The following BCAS3 variants were observed in gnomAD, a reference collection of about 807,000 sequenced individuals.
BCAS3 encodes the protein BCAS4/BCAS3 fusion.
In BCAS3, 53 loss-of-function variants were observed where a neutral mutation model predicts 116.1. The ratio of observed to expected loss-of-function variants is 0.46; its 90% CI spans 0.37 to 0.57. The LOEUF (loss-of-function observed/expected upper bound fraction) is 0.57, where lower values mean the gene tolerates loss of function less well. Ranked by LOEUF, BCAS3 falls within the 20% of genes least tolerant of loss-of-function variation. The probability of loss-of-function intolerance (pLI) is 0.00; values close to 1 mark genes in which losing one functional copy is unlikely to be tolerated. For missense variants in BCAS3, 917 were observed against 1,165.4 expected, an observed-to-expected ratio of 0.79 and a Z score of 3.10; for synonymous variants, 391 against 408.2, an observed-to-expected ratio of 0.96 and a Z score of 0.51.
At position 61,042,981 on chromosome 17, in the gene BCAS3, G is replaced by A. The variant is rs377718390; in HGVS notation, c.2029+2089G>A. On this transcript the variant is annotated intron_variant, in intron 19 of 23. Coordinates refer to ENST00000407086, the MANE Select transcript of BCAS3 (RefSeq NM_017679.5). Reference sequence around the variant, plus strand: ...ATTCAGAGGAAGGGAGTGGAGGCTAGGTGATCCTAGAGCAAGATGAGACCT... The same window carrying A: ...ATTCAGAGGAAGGGAGTGGAGGCTAAGTGATCCTAGAGCAAGATGAGACCT... Among the ~76,000 whole-genome samples, 16 of 151,560 alleles carry A rather than the reference G, an allele frequency of 1.1e-4. 1 individual carries two copies. The South Asian group carries it at 2.5e-3, about 24-fold the overall frequency.
chr17:61,109,315 G>GTGTGTGTA (rs1383803332), intron 22 of BCAS3, among the ~76,000 whole-genome samples: 1 of 151,200 alleles, frequency 6.6e-6, no homozygotes, highest in Non-Finnish European at 1.5e-5. Flanking sequence ...GTGTGTGTGT[G>GTGTGTGTA]TATACACGCC....
At position 61,302,639 on chromosome 17, in the gene BCAS3, AAGATTT is replaced by A. The variant is rs2053542299; in HGVS notation, c.2426-65685_2426-65680del. 6.6e-6 allele frequency among the ~76,000 whole-genome samples: 1 copy of A among 152,178 alleles called. No individual in the cohort carries two copies. The highest frequency in any genetic ancestry group is 2.4e-5 in the African/African-American group (1 of 41,446). On this transcript the variant is annotated intron_variant, in intron 22 of 23. Transcript: ENST00000407086. This position sits in a 1 kb window ranked among gnomAD's most constrained non-coding sequence, Gnocchi z 4.4. ...CTCCCATTTTCTTGCTAAGGAAACT[AAGATTT>A]AGGTTACATTGATGAGTGACAGAAT...
chr17:61,368,060 C>T lies in BCAS3; in HGVS notation c.2426-267C>T, dbSNP rs1192164254. The T allele has an allele frequency of 6.0e-6, 2 of 330,738 alleles. No individual in the cohort carries two copies. The highest frequency in any genetic ancestry group is 4.2e-5 in the African/African-American group (2 of 47,588). 20.5% of individuals were successfully genotyped at this position (330,738 alleles called of 1,614,324 possible). ...CCCGTCCCACTTCTTAAGGTGGTCC[C>T]TGAAGACCAGGGGAACCCTGTAGCT... is the stretch of plus-strand genomic sequence containing the variant. On this transcript the variant is annotated intron_variant, in intron 22 of 23. Transcript: ENST00000407086. The surrounding 1 kb of genome is among the most constrained non-coding windows in gnomAD (Gnocchi z 6.0).
Position 60,818,541 on chromosome 17 carries a change from C to T in BCAS3, c.476+10465C>T, listed in dbSNP as rs570928834. ...ATCCCAGAGCCCTTATATATGATACCTGATGCTTTCAATTTTGACTGATTT... is the reference window on the plus strand; with the variant it reads ...ATCCCAGAGCCCTTATATATGATACTTGATGCTTTCAATTTTGACTGATTT... On this transcript the variant is annotated intron_variant, in intron 7 of 23. Transcript: ENST00000407086. Among the ~76,000 whole-genome samples the T allele has an allele frequency of 3.9e-5, 6 of 152,262 alleles. No individual in the cohort carries two copies. The South Asian group carries it at 1.2e-3, about 32-fold the overall frequency.
chr17:61,179,767 G>A lies in BCAS3; in HGVS notation c.2425+95203G>A, dbSNP rs1476276619. On this transcript the variant is annotated intron_variant, in intron 22 of 23. Transcript: ENST00000407086. ...GAAAGACCGAATCTGTCTGCTGTGT[G>A]TGGTCATTAACACAAGGATAACCTT... 3.3e-5 allele frequency among the ~76,000 whole-genome samples: 5 copies of A among 152,076 alleles called. No homozygotes were observed. The East Asian group carries it at 9.6e-4, about 29-fold the overall frequency.
At chr17:60,836,088 A>G (rs556559680) in intron 7 of BCAS3, among the ~76,000 whole-genome samples, 8 of 152,236 alleles carry the variant, frequency 5.3e-5, no homozygotes, top group African/African-American at 1.9e-4. Flanking sequence ...GTTCCCACAT[A>G]TCTCCTGCCC....
intron 5 of BCAS3, among the ~76,000 whole-genome samples, chr17:60,745,024 C>CTT (rs1048239576): frequency 6.6e-6 from 1 of 150,850 alleles, no homozygotes. Context: ...TTGTTTTATT[C>CTT]TTTTTTTTTG....
rs1600936929 is a variant in BCAS3 at position 61,068,348 on chromosome 17, G to A, written c.2030-6572G>A. On this transcript the variant is annotated intron_variant, in intron 19 of 23. Transcript: ENST00000407086. This position sits in a 1 kb window ranked among gnomAD's most constrained non-coding sequence, Gnocchi z 4.3. ...TCTCTAGGGTGTTCAGGGTATAAAA[G>A]TATGAGGTAAGGGATTTGGGGACAT... 6.6e-6 allele frequency among the ~76,000 whole-genome samples: 1 copy of A among 152,130 alleles called. No homozygotes were observed. Among genetic ancestry groups the A allele is most frequent in the East Asian group, 1.9e-4 (1 of 5,190 alleles).
intron 14 of BCAS3, among the ~76,000 whole-genome samples, chr17:60,968,591 C>G (rs182233148): frequency 6.3e-4 from 95 of 151,906 alleles, no homozygotes; most frequent in Non-Finnish European, 1.1e-3. Flanking sequence ...ATAGGTGGTA[C>G]CTAAAGCCCA....
At chr17:60,928,596 T>C (rs930225595) in intron 13 of BCAS3, among the ~76,000 whole-genome samples, 1 of 152,232 alleles carries the variant, frequency 6.6e-6, no homozygotes, top group Non-Finnish European at 1.5e-5. Flanking sequence ...TTACTTACAA[T>C]TCTTCTTAAT....
At chr17:60,878,293 A>C (rs2055807067) in intron 9 of BCAS3, among the ~76,000 whole-genome samples, 1 of 152,140 alleles carries the variant, frequency 6.6e-6, no homozygotes, top group Non-Finnish European at 1.5e-5. Context: ...TACAGGCATG[A>C]GCCTCCATGC....
At chr17:60,890,470 A>G (rs2057070053) in intron 10 of BCAS3, among the ~76,000 whole-genome samples, 1 of 152,160 alleles carries the variant, frequency 6.6e-6, no homozygotes, top group African/African-American at 2.4e-5. Flanking sequence ...GAAAAAAAAA[A>G]AGAATAATTT....
intron 22 of BCAS3, among the ~76,000 whole-genome samples, chr17:61,267,553 C>T (rs1343948560): frequency 1.3e-5 from 2 of 150,680 alleles, no homozygotes; most frequent in Non-Finnish European, 3.0e-5. Context: ...GCCTGGCCAA[C>T]TTGGTGAAAC....
At position 61,070,231 on chromosome 17, in the gene BCAS3, G is replaced by C. The variant is rs557343751; in HGVS notation, c.2030-4689G>C. The C allele has an allele frequency of 3.9e-6, 6 of 1,546,396 alleles. No homozygotes were observed. The African/African-American group carries it at 4.1e-5, about 10-fold the overall frequency. On this transcript the variant is annotated intron_variant, in intron 19 of 23. Coordinates refer to ENST00000407086, the MANE Select transcript of BCAS3 (RefSeq NM_017679.5). ...TGTGAAGAAGCTCTATGACATTGAT[G>C]TGGCCAAGGTCAACACCCTGATTTG...
Position 61,063,125 on chromosome 17 carries a change from T to C in BCAS3, c.2030-11795T>C, listed in dbSNP as rs1234034901. Among the ~76,000 whole-genome samples, 2 of 152,224 alleles carry C rather than the reference T, an allele frequency of 1.3e-5. No homozygotes were observed. Among genetic ancestry groups the C allele is most frequent in the Non-Finnish European group, 2.9e-5 (2 of 68,036 alleles). On this transcript the variant is annotated intron_variant, in intron 19 of 23. Coordinates refer to ENST00000407086, the MANE Select transcript of BCAS3 (RefSeq NM_017679.5). The surrounding 1 kb of genome is among the most constrained non-coding windows in gnomAD (Gnocchi z 5.3). The stretch of plus-strand genomic sequence containing the variant: ...TGCCTCAAGCATCCTAAAAAACTGT[T>C]GCCGTGACCTTTGCTCTTGCCCACT...
intron 22 of BCAS3, among the ~76,000 whole-genome samples, chr17:61,268,823 G>T (rs1356553299): frequency 2.0e-5 from 3 of 152,150 alleles, no homozygotes; most frequent in Admixed American, 6.5e-5. Flanking sequence ...CTCCCAAAGT[G>T]CTGGGATTAC....
rs538559286 is a variant in BCAS3 at position 61,229,423 on chromosome 17, C to G, written c.2426-138904C>G. ...TAGCCAAGATCATTGATGAAGGTGGCTATGCTAAACAACAGATATCGATGT... is the reference window on the plus strand; with the variant it reads ...TAGCCAAGATCATTGATGAAGGTGGGTATGCTAAACAACAGATATCGATGT... On this transcript the variant is annotated intron_variant, in intron 22 of 23. Coordinates refer to ENST00000407086, the MANE Select transcript of BCAS3 (RefSeq NM_017679.5). This position sits in a 1 kb window ranked among gnomAD's most constrained non-coding sequence, Gnocchi z 4.4. 1.3e-5 allele frequency among the ~76,000 whole-genome samples: 2 copies of G among 152,182 alleles called. No individual in the cohort carries two copies. Among genetic ancestry groups the G allele is most frequent in the Non-Finnish European group, 2.9e-5 (2 of 68,034 alleles).
intron 5 of BCAS3, chr17:60,727,023 C>T (rs777989901): frequency 8.5e-5 from 20 of 234,292 alleles, no homozygotes; most frequent in Non-Finnish European, 1.6e-4. Flanking sequence ...AGTTCTTTAA[C>T]AGATACCTTT....
In BCAS3 at chr17:61,084,208, G is replaced by C. The variant is rs527850971; in HGVS notation, c.2328-259G>C. On this transcript the variant is annotated intron_variant, in intron 21 of 23. Transcript: ENST00000407086. This position sits in a 1 kb window ranked among gnomAD's most constrained non-coding sequence, Gnocchi z 5.5. ...ATTGTATCCCTTTAAATTAATGTCA[G>C]CTTTTCAGTCCCTTCCTTAAAAATC... is the stretch of plus-strand genomic sequence containing the variant. 2.3e-4 allele frequency among the ~76,000 whole-genome samples: 32 copies of C among 141,244 alleles called. No homozygotes were observed. Among genetic ancestry groups the C allele is most frequent in the African/African-American group, 1.0e-3 (32 of 30,906 alleles). The allele number at this position is 141,244 out of a possible 152,430, so 92.7% of individuals were successfully genotyped here. A position where few individuals can be genotyped will look rare whatever the true frequency, so the allele number is the denominator to read the frequency against.
Sources: allele counts gnomAD v4.1 joint callset (sites outside exome capture counted in the v4.1 genomes callset), GRCh38; gene constraint gnomAD v4.1.1; non-coding constraint Gnocchi (gnomAD v3.1); transcripts MANE v1.5; gene names NCBI Gene and HGNC (gene_info 2026-07-23, HGNC 2026-07-21).